THSD4: variants seen among roughly 807,000 people sequenced by gnomAD.
THSD4 encodes thrombospondin type-1 domain-containing protein 4.
Under a neutral mutation model 119.0 loss-of-function variants are expected in THSD4, and 69 were observed. The observed-to-expected ratio is 0.58, with a 90% CI of 0.48 to 0.71. THSD4 has a LOEUF of 0.71. Among genes scored for constraint, THSD4 ranks in the 30% least tolerant of loss-of-function variants. The probability of loss-of-function intolerance (pLI) is 0.00; values close to 1 mark genes in which losing one functional copy is unlikely to be tolerated. For synonymous variants in THSD4, 524 were observed against 540.4 expected (o/e 0.97, Z 0.42); for missense variants, 1,393 against 1,391.1 (o/e 1.00, Z -0.02).
intron 3 of THSD4, among the ~76,000 whole-genome samples, chr15:71,189,876 A>G (rs2043653454): frequency 6.6e-6 from 1 of 152,154 alleles, no homozygotes; most frequent in Non-Finnish European, 1.5e-5. Flanking sequence ...GGTGGGCCTA[A>G]GCATTGCATT....
upstream of THSD4, chr15:71,112,256 T>C (rs766170600): frequency 6.3e-7 from 1 of 1,595,034 alleles, no homozygotes; most frequent in South Asian, 1.1e-5. Flanking sequence ...GTGGTGACAG[T>C]CTTCTATAGG....
chr15:71,112,140 G>A (rs373577358), upstream of THSD4: 92 of 1,613,560 alleles, frequency 5.7e-5, no homozygotes, highest in Non-Finnish European at 6.9e-5. Flanking sequence ...AGATTTGGGA[G>A]CCCTCACCAC....
chr15:71,766,251 T>G (rs1250599394), intron 16 of THSD4, among the ~76,000 whole-genome samples: 2 of 152,064 alleles, frequency 1.3e-5, no homozygotes, highest in African/African-American at 4.8e-5. Flanking sequence ...GAAAACCTCC[T>G]CACCATCATT....
Position 71,204,166 on chromosome 15 carries a change from G to T in THSD4, c.100-10869G>T, listed in dbSNP as rs145531993. 5.3e-4 allele frequency among the ~76,000 whole-genome samples: 80 copies of T among 152,242 alleles called. 1 individual carries two copies. In the Middle Eastern group the frequency reaches 0.024, roughly 45 times the overall value. ...CTGCACAGCAACACAGGGCCAAGTG[G>T]GTACCAAGGCACATGCCCTGTGTTA... On this transcript the variant is annotated intron_variant, in intron 3 of 17. Coordinates refer to ENST00000261862, the MANE Select transcript of THSD4 (RefSeq NM_024817.3).
At chr15:71,486,344 G>A (rs183873268) in intron 7 of THSD4, among the ~76,000 whole-genome samples, 1 of 152,284 alleles carries the variant, frequency 6.6e-6, no homozygotes, top group Admixed American at 6.5e-5. Context: ...TTGGGAAAGT[G>A]AAATTTTCCG....
At chr15:71,350,744 G>T (rs60193973) in intron 6 of THSD4, among the ~76,000 whole-genome samples, 1 of 151,750 alleles carries the variant, frequency 6.6e-6, no homozygotes, top group South Asian at 2.1e-4. Flanking sequence ...CTGAGGCCTT[G>T]GGGGAGGGCA....
intron 6 of THSD4, among the ~76,000 whole-genome samples, chr15:71,369,333 T>C (rs1386831857): frequency 6.6e-6 from 1 of 152,182 alleles, no homozygotes; most frequent in Non-Finnish European, 1.5e-5. Flanking sequence ...ATAGGAGTGG[T>C]GAGAGAGGGC....
At chr15:71,223,334 A>G (rs1366857981) in intron 4 of THSD4, among the ~76,000 whole-genome samples, 1 of 152,212 alleles carries the variant, frequency 6.6e-6, no homozygotes, top group Admixed American at 6.5e-5. Context: ...TAATTTAGCT[A>G]AGTTTGATAA....
chr15:71,467,210 T>C (rs2140630043), intron 7 of THSD4, among the ~76,000 whole-genome samples: 1 of 152,344 alleles, frequency 6.6e-6, no homozygotes, highest in South Asian at 2.1e-4. Context: ...TGACTAACTT[T>C]ACTAAAGATT....
intron 8 of THSD4, 47 bp from the exon 9 acceptor site, chr15:71,728,502 T>G: frequency 6.3e-7 from 1 of 1,599,790 alleles, no homozygotes; most frequent in Non-Finnish European, 8.5e-7. Context: ...CTGTTTCTTG[T>G]GCACACCCTG....
chr15:71,154,975 G>T (rs375311067), intron 3 of THSD4, 43 bp downstream of exon 3: 8 of 1,598,484 alleles, frequency 5.0e-6, no homozygotes, highest in African/African-American at 2.7e-5. Context: ...TGCCCAAGGG[G>T]CTAGGGCCAC....
intron 3 of THSD4, among the ~76,000 whole-genome samples, chr15:71,192,076 G>T (rs1229541898): frequency 6.6e-6 from 1 of 151,542 alleles, no homozygotes; most frequent in Non-Finnish European, 1.5e-5. Context: ...CTAATTTTTT[G>T]TATTTTTAGT....
At chr15:71,332,909 A>G (rs1382790509) in intron 6 of THSD4, among the ~76,000 whole-genome samples, 1 of 12,698 alleles carries the variant, frequency 7.9e-5, no homozygotes. Context: ...TTTTTTTTTT[A>G]GTTCATCAGC....
At chr15:71,508,200 C>T (rs949364481) in intron 7 of THSD4, among the ~76,000 whole-genome samples, 1 of 152,164 alleles carries the variant, frequency 6.6e-6, no homozygotes, top group Non-Finnish European at 1.5e-5. Flanking sequence ...CCAACCTCAG[C>T]TCTACCTACT....
chr15:71,402,915 T>C (rs2046556557), intron 6 of THSD4, among the ~76,000 whole-genome samples: 1 of 152,204 alleles, frequency 6.6e-6, no homozygotes, highest in African/African-American at 2.4e-5. Flanking sequence ...TTGCCTACTT[T>C]TCTATATGTA....
At chr15:71,444,309 A>G (rs2047150104) in intron 7 of THSD4, among the ~76,000 whole-genome samples, 2 of 152,320 alleles carry the variant, frequency 1.3e-5, no homozygotes, top group East Asian at 3.9e-4. Context: ...GATATTGCAA[A>G]TCACAAATTC....
intron 7 of THSD4, among the ~76,000 whole-genome samples, chr15:71,474,008 T>G (rs1443772105): frequency 6.6e-6 from 1 of 152,162 alleles, no homozygotes; most frequent in African/African-American, 2.4e-5. Flanking sequence ...TACTGACTCC[T>G]CATGTGGATC....
intron 10 of THSD4, among the ~76,000 whole-genome samples, chr15:71,734,824 A>AT (rs1419195104): frequency 6.7e-6 from 1 of 148,684 alleles, no homozygotes; most frequent in South Asian, 2.1e-4. Context: ...AAAAAAGCCT[A>AT]TTAAAAAAAA....
At chr15:71,643,823 G>A (rs2050913219) in intron 7 of THSD4, among the ~76,000 whole-genome samples, 1 of 152,146 alleles carries the variant, frequency 6.6e-6, no homozygotes, top group Non-Finnish European at 1.5e-5. Flanking sequence ...AACCTTTGAA[G>A]AGTTCTTAAT....
Sources: allele counts gnomAD v4.1 joint callset (sites outside exome capture counted in the v4.1 genomes callset), GRCh38; gene constraint gnomAD v4.1.1; transcripts MANE v1.5; gene names NCBI Gene and HGNC (gene_info 2026-07-23, HGNC 2026-07-21).